Variants in HIBADH observed in about 807,000 individuals in gnomAD.
HIBADH encodes the protein 3-hydroxyisobutyrate dehydrogenase, mitochondrial.
In HIBADH, 25 loss-of-function variants were observed where a neutral mutation model predicts 36.1. The ratio of observed to expected loss-of-function variants is 0.69; its 90% CI spans 0.50 to 0.97. The LOEUF is 0.97. Among genes scored for constraint, HIBADH ranks in the 50% least tolerant of loss-of-function variants. The probability of loss-of-function intolerance (pLI) is 0.00; values close to 1 mark genes in which losing one functional copy is unlikely to be tolerated. For missense variants in HIBADH, 421 were observed against 418.0 expected (o/e 1.01, Z -0.06); for synonymous variants, 160 against 149.5 (o/e 1.07, Z -0.51).
intron 4 of HIBADH, among the ~76,000 whole-genome samples, chr7:27,614,936 A>T (rs1425290468): frequency 6.6e-6 from 1 of 152,196 alleles, no homozygotes; most frequent in Non-Finnish European, 1.5e-5. Context: ...AATAGGACTG[A>T]TCTGATCTCT....
chr7:27,563,383 T>C (rs1185152614), intron 4 of HIBADH, among the ~76,000 whole-genome samples: 2 of 152,272 alleles, frequency 1.3e-5, no homozygotes, highest in Non-Finnish European at 2.9e-5. Context: ...ACACAAGTTT[T>C]CATTTATCCA....
chr7:27,571,213 A>G (rs1784623376), intron 4 of HIBADH, among the ~76,000 whole-genome samples: 2 of 135,716 alleles, frequency 1.5e-5, no homozygotes, highest in African/African-American at 2.9e-5. Flanking sequence ...TTCATTTTCA[A>G]TCTATCTTTT....
At chr7:27,572,493 TCTTTACCATTA>T (rs951794982) in intron 4 of HIBADH, among the ~76,000 whole-genome samples, 5 of 152,222 alleles carry the variant, frequency 3.3e-5, no homozygotes, top group African/African-American at 1.2e-4. Flanking sequence ...ACAGGTTTCA[TCTTTACCATTA>T]GCACCTTCAT....
rs533515975 is a variant in HIBADH, at chr7:27,563,307, T to C, written c.485-20207A>G. Among the ~76,000 whole-genome samples, 9 of 152,332 alleles carry C rather than the reference T, an allele frequency of 5.9e-5. No individual in the cohort carries two copies. The East Asian group carries it at 1.4e-3, about 23-fold the overall frequency. The stretch of plus-strand genomic sequence containing the variant: ...CACGGTTTGTTTATCCATTCACCCA[T>C]TGAAGGATTTTTAAGTCGTTTTCAG... On this transcript the variant is annotated intron_variant, in intron 4 of 7. Coordinates refer to ENST00000265395, the MANE Select transcript of HIBADH (RefSeq NM_152740.4).
chr7:27,628,258 T>TA (rs560277700), intron 4 of HIBADH, among the ~76,000 whole-genome samples: 113 of 152,222 alleles, frequency 7.4e-4, no homozygotes, highest in Non-Finnish European at 1.5e-3. Flanking sequence ...TTCCTCCACC[T>TA]ATATTCAAAA....
chr7:27,599,680 CAA>C (rs3072889), intron 4 of HIBADH, among the ~76,000 whole-genome samples: 5 of 41,086 alleles, frequency 1.2e-4, no homozygotes, highest in Non-Finnish European at 1.2e-4. Context: ...ACTCTGTCTC[CAA>C]AAAAAAAAAA....
chr7:27,537,915 A>AAAAGGTTTT (rs1784090497), intron 6 of HIBADH, among the ~76,000 whole-genome samples: 1 of 152,166 alleles, frequency 6.6e-6, no homozygotes, highest in Non-Finnish European at 1.5e-5. Flanking sequence ...CTATATTTTT[A>AAAAGGTTTT]AAAGGTACAT....
At chr7:27,582,779 G>C (rs904452722) in intron 4 of HIBADH, among the ~76,000 whole-genome samples, 17 of 152,026 alleles carry the variant, frequency 1.1e-4, no homozygotes, top group African/African-American at 4.1e-4. Flanking sequence ...TCTTTGGTTG[G>C]AGATTATTAT....
chr7:27,540,006 C>T (rs1784125181), intron 5 of HIBADH, among the ~76,000 whole-genome samples: 1 of 151,582 alleles, frequency 6.6e-6, no homozygotes, highest in Non-Finnish European at 1.5e-5. Context: ...TTCGCTGTCT[C>T]GGGGTGACAG....
At chr7:27,586,833 C>T (rs1784872114) in intron 4 of HIBADH, among the ~76,000 whole-genome samples, 1 of 152,178 alleles carries the variant, frequency 6.6e-6, no homozygotes, top group Non-Finnish European at 1.5e-5. Context: ...TCCTGCCAGT[C>T]CCTGCAGGTA....
rs975914258 is a variant in HIBADH, at chr7:27,526,129, A to G, written c.*85T>C. ...AAAAGCAGATAGGTGACCTTTGATT[A>G]AATCCATTTACTTGTGGAGTGAGCT... On this transcript the variant is annotated 3_prime_UTR_variant, in exon 8 of 8. Transcript: ENST00000265395. 6 of 1,183,792 alleles carry G rather than the reference A, an allele frequency of 5.1e-6. No homozygotes were observed. Among genetic ancestry groups the G allele is most frequent in the South Asian group, 2.0e-5 (1 of 50,648 alleles). 73.3% of individuals were successfully genotyped at this position (1,183,792 alleles called of 1,614,324 possible).
At chr7:27,651,786 T>C (rs1266316150) in intron 1 of HIBADH, among the ~76,000 whole-genome samples, 1 of 152,124 alleles carries the variant, frequency 6.6e-6, no homozygotes. Flanking sequence ...TTCAACAAGC[T>C]TAAAACCAAG....
At chr7:27,650,795 T>G (rs901841756) in intron 1 of HIBADH, among the ~76,000 whole-genome samples, 4 of 151,842 alleles carry the variant, frequency 2.6e-5, no homozygotes, top group African/African-American at 7.3e-5. Flanking sequence ...TTGAAATTAC[T>G]CCGTGGGCAT....
At chr7:27,566,163 G>T (rs982617383) in intron 4 of HIBADH, among the ~76,000 whole-genome samples, 1 of 151,856 alleles carries the variant, frequency 6.6e-6, no homozygotes. Flanking sequence ...GTGTAACACT[G>T]GTCTCAAAAA....
At chr7:27,660,842 C>A (rs1205601435) in intron 1 of HIBADH, among the ~76,000 whole-genome samples, 1 of 152,140 alleles carries the variant, frequency 6.6e-6, no homozygotes, top group African/African-American at 2.4e-5. Flanking sequence ...CTGAGGTAGG[C>A]CCTCCCAGTT....
intron 4 of HIBADH, 61 bp downstream of exon 4, chr7:27,629,310 A>G (rs774426092): frequency 7.1e-5 from 109 of 1,537,946 alleles, no homozygotes; most frequent in Non-Finnish European, 9.0e-5. Flanking sequence ...GTACAACAAA[A>G]CCATAATTGC....
At chr7:27,620,798 TGA>T (rs1785527961) in intron 4 of HIBADH, among the ~76,000 whole-genome samples, 1 of 151,562 alleles carries the variant, frequency 6.6e-6, no homozygotes, top group African/African-American at 2.4e-5. Flanking sequence ...TGACTAACAA[TGA>T]GAGAAAAGGA....
At chr7:27,599,340 CT>C (rs1388749367) in intron 4 of HIBADH, among the ~76,000 whole-genome samples, 1 of 152,146 alleles carries the variant, frequency 6.6e-6, no homozygotes, top group African/African-American at 2.4e-5. Flanking sequence ...ATCAATTTCC[CT>C]TCCCAAACTT....
intron 4 of HIBADH, among the ~76,000 whole-genome samples, chr7:27,619,590 G>A (rs1269227223): frequency 6.6e-6 from 1 of 152,130 alleles, no homozygotes; most frequent in Non-Finnish European, 1.5e-5. Flanking sequence ...GGATATGAAT[G>A]TGAAATTTAC....
Sources: allele counts gnomAD v4.1 joint callset (sites outside exome capture counted in the v4.1 genomes callset), GRCh38; gene constraint gnomAD v4.1.1; transcripts MANE v1.5; gene names NCBI Gene and HGNC (gene_info 2026-07-23, HGNC 2026-07-21).